The following MAU2 variants were observed in gnomAD, a reference collection of about 807,000 sequenced individuals.
The protein encoded by MAU2 is MAU2 chromatid cohesion factor homolog.
MAU2 carries 9 observed loss-of-function variants against 89.1 expected under a neutral mutation model. The ratio of observed to expected loss-of-function variants is 0.10; its 90% CI spans 0.06 to 0.18. The LOEUF is 0.18. Among genes scored for constraint, MAU2 ranks in the 10% least tolerant of loss-of-function variants. The pLI is 1.00. For missense variants in MAU2, 425 were observed against 803.5 expected (o/e 0.53, Z 5.69); for synonymous variants, 357 against 343.4 (o/e 1.04, Z -0.44).
chr19:19,331,989 C>T (rs774935322), intron 1 of MAU2, among the ~76,000 whole-genome samples: 31 of 152,232 alleles, frequency 2.0e-4, no homozygotes, highest in South Asian at 6.2e-4. Context: ...AGGCATACGC[C>T]TCCGTTCTGT....
intron 13 of MAU2, chr19:19,348,108 G>A: frequency 6.5e-6 from 1 of 154,410 alleles, no homozygotes; most frequent in Admixed American, 6.5e-5. Context: ...GCTCACACCT[G>A]TAATCCCAGC....
At chr19:19,327,822 T>C (rs1045802431) in intron 1 of MAU2, among the ~76,000 whole-genome samples, 23 of 152,078 alleles carry the variant, frequency 1.5e-4, no homozygotes, top group Admixed American at 9.2e-4. Flanking sequence ...CAGGACACTT[T>C]ACCTGAAAGC....
At chr19:19,341,220 T>C (rs753610640) in intron 6 of MAU2, 32 bp from the exon 7 acceptor site, 46 of 1,601,664 alleles carry the variant, frequency 2.9e-5, no homozygotes, top group Non-Finnish European at 3.8e-5. Flanking sequence ...CTGCAAGCCC[T>C]GTACCCTACA....
rs1366994439 is a variant in MAU2, at chr19:19,356,687, G to C, written c.*905G>C. On this transcript the variant is annotated 3_prime_UTR_variant, in exon 19 of 19. Transcript: ENST00000262815. ...CTGGAGCCCAGGGACTTTCTTCCTGGCAGATCTGTGGCCTTCCCTGCTCAG... is the reference window on the plus strand; with the variant it reads ...CTGGAGCCCAGGGACTTTCTTCCTGCCAGATCTGTGGCCTTCCCTGCTCAG... 4 of 154,926 alleles carry C rather than the reference G, an allele frequency of 2.6e-5. No homozygotes were observed. Among genetic ancestry groups the C allele is most frequent in the Non-Finnish European group, 5.7e-5 (4 of 70,136 alleles). 9.6% of individuals were successfully genotyped at this position (154,926 alleles called of 1,614,324 possible).
intron 16 of MAU2, among the ~76,000 whole-genome samples, chr19:19,351,837 ATTTTTTTTTTTTTT>A (rs35932608): frequency 3.4e-5 from 2 of 58,916 alleles, no homozygotes; most frequent in African/African-American, 6.8e-5. Context: ...CTGTTTGGTA[ATTTTTTTTTTTTTT>A]TTTTTTTTTT....
intron 2 of MAU2, 134 bp downstream of exon 2, chr19:19,335,869 C>A: frequency 9.6e-7 from 1 of 1,037,580 alleles, no homozygotes. Context: ...CCTGGAGTGT[C>A]CCCCACCTGG....
intron 1 of MAU2, among the ~76,000 whole-genome samples, chr19:19,331,956 C>A (rs1048174843): frequency 7.9e-5 from 12 of 152,204 alleles, no homozygotes; most frequent in African/African-American, 2.7e-4. Context: ...AAATCCCATG[C>A]CATTTAGGGC....
At chr19:19,328,128 C>T (rs1220187396) in intron 1 of MAU2, among the ~76,000 whole-genome samples, 1 of 150,524 alleles carries the variant, frequency 6.6e-6, no homozygotes, top group East Asian at 2.0e-4. Context: ...CCACTGCAGT[C>T]CAATCTGGGT....
intron 1 of MAU2, among the ~76,000 whole-genome samples, chr19:19,332,753 G>A (rs1017266553): frequency 2.4e-4 from 37 of 152,176 alleles, no homozygotes; most frequent in African/African-American, 7.2e-4. Flanking sequence ...AGGCGAGCCC[G>A]TTAGCAGCAG....
At chr19:19,342,287 G>T (rs1006023416) in intron 7 of MAU2, among the ~76,000 whole-genome samples, 7 of 152,188 alleles carry the variant, frequency 4.6e-5, no homozygotes, top group African/African-American at 1.4e-4. Flanking sequence ...CTGGGCCTTG[G>T]TGTTGGACCC....
chr19:19,330,978 A>G (rs2061550725), intron 1 of MAU2, among the ~76,000 whole-genome samples: 3 of 152,132 alleles, frequency 2.0e-5, no homozygotes, highest in African/African-American at 4.8e-5. Flanking sequence ...CCTGGACTGA[A>G]TCCTCCAGGC....
In MAU2 at chr19:19,358,508, G is replaced by GT. The variant is rs1294967079; in HGVS notation, c.*2728dup. 1 of 152,236 alleles carries GT rather than the reference G, an allele frequency of 6.6e-6. No individual in the cohort carries two copies. The highest frequency in any genetic ancestry group is 2.4e-5 in the African/African-American group (1 of 41,454). 9.4% of individuals were successfully genotyped at this position (152,236 alleles called of 1,614,324 possible). A position where few individuals can be genotyped will look rare whatever the true frequency, so the allele number is the denominator to read the frequency against. ...CATGGTGGCTCAATTGGTTGGTTGC[G>GT]TTGTCAGTTGTCTCTTCGTTTTGTT... On this transcript the variant is annotated 3_prime_UTR_variant, in exon 19 of 19. Transcript: ENST00000262815.
chr19:19,334,987 AG>A (rs1416292820), intron 1 of MAU2, among the ~76,000 whole-genome samples: 2 of 152,242 alleles, frequency 1.3e-5, no homozygotes, highest in Middle Eastern at 3.4e-3. Context: ...GGACAGCGTT[AG>A]GCTTGTGTGC....
intron 12 of MAU2, among the ~76,000 whole-genome samples, chr19:19,346,395 A>G (rs1384206741): frequency 6.6e-6 from 1 of 152,078 alleles, no homozygotes; most frequent in African/African-American, 2.4e-5. Context: ...ATGTACCCTA[A>G]GGAGTCCTCA....
intron 14 of MAU2, 36 bp from the exon 15 acceptor site, chr19:19,349,119 A>G (rs752396701): frequency 6.8e-6 from 11 of 1,612,310 alleles, no homozygotes; most frequent in Non-Finnish European, 9.3e-6. Context: ...GCTTCTCAAA[A>G]TCACCACCCC....
rs754642381 is a variant in MAU2, at chr19:19,355,948, A to G, written c.*166A>G. Reference sequence around the variant, plus strand: ...TCCCTGCCCTCCCAGGAGGGGTGGTAGCCGTTCCCACCTCGCAGCAGGACC... The same window carrying G: ...TCCCTGCCCTCCCAGGAGGGGTGGTGGCCGTTCCCACCTCGCAGCAGGACC... On this transcript the variant is annotated 3_prime_UTR_variant, in exon 19 of 19. Coordinates refer to ENST00000262815, the MANE Select transcript of MAU2 (RefSeq NM_015329.4). 2 of 733,944 alleles carry G rather than the reference A, an allele frequency of 2.7e-6. No individual in the cohort carries two copies. The highest frequency in any genetic ancestry group is 2.9e-5 in the South Asian group (2 of 68,278). The allele number at this position is 733,944 out of a possible 1,614,324, so 45.5% of individuals were successfully genotyped here.
At chr19:19,339,050 A>G in intron 5 of MAU2, 111 bp downstream of exon 5, 1 of 832,884 alleles carries the variant, frequency 1.2e-6, no homozygotes, top group Non-Finnish European at 1.9e-6. Flanking sequence ...ACAGTAGCTC[A>G]CAGTATATTC....
chr19:19,347,390 G>A, intron 13 of MAU2, 24 bp downstream of exon 13: 1 of 1,565,466 alleles, frequency 6.4e-7, no homozygotes, highest in South Asian at 1.1e-5. Flanking sequence ...TTCATGTTCG[G>A]TATCCTTTCT....
chr19:19,338,522 T>C (rs1371990619), intron 4 of MAU2, among the ~76,000 whole-genome samples: 3 of 152,164 alleles, frequency 2.0e-5, no homozygotes, highest in African/African-American at 7.2e-5. Flanking sequence ...CACAAAGCAC[T>C]CAGAACAGCC....
Sources: allele counts gnomAD v4.1 joint callset (sites outside exome capture counted in the v4.1 genomes callset), GRCh38; gene constraint gnomAD v4.1.1; transcripts MANE v1.5; gene names NCBI Gene and HGNC (gene_info 2026-07-23, HGNC 2026-07-21).